TAFA1: variants seen among roughly 807,000 people sequenced by gnomAD.
TAFA1 encodes the protein chemokine-like protein TAFA-1.
Under a neutral mutation model 18.5 loss-of-function variants are expected in TAFA1, and 4 were observed. That is an observed-to-expected ratio of 0.22 (90% CI 0.11 to 0.49). The LOEUF (loss-of-function observed/expected upper bound fraction) is 0.49. Ranked by LOEUF, TAFA1 falls within the 20% of genes least tolerant of loss-of-function variation. TAFA1 has a pLI of 0.98. For synonymous variants in TAFA1, 56 were observed against 55.2 expected, an observed-to-expected ratio of 1.01 and a Z score of -0.06; for missense variants, 147 against 169.0, an observed-to-expected ratio of 0.87 and a Z score of 0.72.
At chr3:68,342,657 T>C (rs372176717) in intron 2 of TAFA1, among the ~76,000 whole-genome samples, 2 of 152,280 alleles carry the variant, frequency 1.3e-5, no homozygotes, top group South Asian at 2.1e-4. Flanking sequence ...ATTCCCAGAG[T>C]GCCTCTCTCG....
chr3:68,243,042 C>G (rs558388680), intron 2 of TAFA1, among the ~76,000 whole-genome samples: 1 of 152,050 alleles, frequency 6.6e-6, no homozygotes, highest in Admixed American at 6.6e-5. Context: ...GATCATATAT[C>G]TTAATCATAC....
intron 2 of TAFA1, among the ~76,000 whole-genome samples, chr3:68,392,581 C>G (rs1309417607): frequency 1.3e-5 from 2 of 152,270 alleles, no homozygotes; most frequent in South Asian, 4.1e-4. Flanking sequence ...CCGTATCGCA[C>G]TTATTCTAAA....
intron 2 of TAFA1, among the ~76,000 whole-genome samples, chr3:68,378,876 C>G (rs2069872771): frequency 6.6e-6 from 1 of 152,134 alleles, no homozygotes; most frequent in Non-Finnish European, 1.5e-5. Context: ...GAAGAAGGTC[C>G]TTGCTTCCCC....
intron 2 of TAFA1, among the ~76,000 whole-genome samples, chr3:68,351,252 G>T (rs943820997): frequency 6.6e-6 from 1 of 152,100 alleles, no homozygotes; most frequent in South Asian, 2.1e-4. Context: ...AACCTGGGTT[G>T]CTTGTTGAAA....
At chr3:68,213,907 T>A (rs1261030860) in intron 2 of TAFA1, among the ~76,000 whole-genome samples, 1 of 152,090 alleles carries the variant, frequency 6.6e-6, no homozygotes, top group Non-Finnish European at 1.5e-5. Flanking sequence ...AAAAGTTATT[T>A]GATTTTTGCC....
intron 2 of TAFA1, among the ~76,000 whole-genome samples, chr3:68,409,012 T>G: frequency 6.6e-6 from 1 of 152,114 alleles, no homozygotes; most frequent in Non-Finnish European, 1.5e-5. Flanking sequence ...AAAATCAAAA[T>G]CATGCACACT....
chr3:68,307,441 C>G (rs1559609921), intron 2 of TAFA1, among the ~76,000 whole-genome samples: 1 of 152,162 alleles, frequency 6.6e-6, no homozygotes, highest in Admixed American at 6.5e-5. Context: ...GCTCCAAATT[C>G]TACACATCCA....
chr3:68,386,540 C>T lies in TAFA1; in HGVS notation c.119-30740C>T, dbSNP rs543700591. Among the ~76,000 whole-genome samples the T allele has an allele frequency of 1.1e-4, 16 of 151,542 alleles. No individual in the cohort carries two copies. The East Asian group carries it at 3.1e-3, about 29-fold the overall frequency. ...TAGGGTGCTATGCACATGATCTAGC[C>T]TGACAATCCTGGAGGAGACTGGCCT... On this transcript the variant is annotated intron_variant, in intron 2 of 4. Coordinates refer to ENST00000478136, the MANE Select transcript of TAFA1 (RefSeq NM_213609.4).
intron 2 of TAFA1, among the ~76,000 whole-genome samples, chr3:68,038,871 CTATG>C (rs998961185): frequency 2.0e-5 from 3 of 152,204 alleles, no homozygotes; most frequent in Non-Finnish European, 2.9e-5. Context: ...ATGCATAACT[CTATG>C]TGAGTGTTTA....
In TAFA1 at chr3:68,458,781, C is replaced by T. The variant is rs536613186; in HGVS notation, c.259+41361C>T. Among the ~76,000 whole-genome samples, 5 of 151,740 alleles carry T rather than the reference C, an allele frequency of 3.3e-5. No individual in the cohort carries two copies. In the South Asian group the frequency reaches 6.3e-4, roughly 19 times the overall value. ...GGAGTAGAGACATTTTTAAACAGTG[C>T]TTCCCACTTTTTTTTTTTTTAAACT... On this transcript the variant is annotated intron_variant, in intron 3 of 4. Coordinates refer to ENST00000478136, the MANE Select transcript of TAFA1 (RefSeq NM_213609.4).
At chr3:68,061,918 A>G (rs1166490781) in intron 2 of TAFA1, among the ~76,000 whole-genome samples, 3 of 152,250 alleles carry the variant, frequency 2.0e-5, no homozygotes, top group Admixed American at 1.3e-4. Context: ...CTCATCAAAG[A>G]GAAATTTTTC....
intron 2 of TAFA1, among the ~76,000 whole-genome samples, chr3:68,314,057 C>G (rs1456496745): frequency 1.3e-5 from 2 of 152,042 alleles, no homozygotes; most frequent in African/African-American, 4.8e-5. Flanking sequence ...TAAGTATACC[C>G]TTGAATAGGA....
At chr3:68,435,477 A>G (rs2071252770) in intron 3 of TAFA1, among the ~76,000 whole-genome samples, 2 of 152,186 alleles carry the variant, frequency 1.3e-5, no homozygotes, top group Non-Finnish European at 2.9e-5. Flanking sequence ...ATGTCTCACT[A>G]CATAGCACAG....
chr3:68,065,114 C>G (rs2064657056), intron 2 of TAFA1, among the ~76,000 whole-genome samples: 1 of 152,060 alleles, frequency 6.6e-6, no homozygotes, highest in Non-Finnish European at 1.5e-5. Flanking sequence ...TAAATTGTAA[C>G]AGCCCTCAAA....
chr3:68,190,172 A>C (rs573560101), intron 2 of TAFA1, among the ~76,000 whole-genome samples: 1 of 151,880 alleles, frequency 6.6e-6, no homozygotes, highest in Non-Finnish European at 1.5e-5. Context: ...TTTTTCCTTC[A>C]GGATTCATTG....
rs149111828 is a variant in TAFA1 at position 68,160,621 on chromosome 3, C to T, written c.118+153877C>T. ...GTTGTGAGAATTAAGTGTAACATCT[C>T]CAAAACAATTATAATAGCACCTAGC... On this transcript the variant is annotated intron_variant, in intron 2 of 4. Coordinates refer to ENST00000478136, the MANE Select transcript of TAFA1 (RefSeq NM_213609.4). Among the ~76,000 whole-genome samples the T allele has an allele frequency of 1.1e-3, 167 of 152,296 alleles. 1 individual carries two copies. The highest frequency in any genetic ancestry group is 3.8e-3 in the African/African-American group (159 of 41,566).
At chr3:68,318,776 G>T (rs1159682604) in intron 2 of TAFA1, among the ~76,000 whole-genome samples, 1 of 152,104 alleles carries the variant, frequency 6.6e-6, no homozygotes, top group Non-Finnish European at 1.5e-5. Context: ...AAAGTAATCT[G>T]GTCTAAGTAG....
In TAFA1 at chr3:68,134,146, T is replaced by C. The variant is rs140517972; in HGVS notation, c.118+127402T>C. Among the ~76,000 whole-genome samples the C allele has an allele frequency of 3.3e-4, 50 of 150,792 alleles. 2 individuals are homozygous for C. The East Asian group carries it at 9.7e-3, about 29-fold the overall frequency. On this transcript the variant is annotated intron_variant, in intron 2 of 4. Coordinates refer to ENST00000478136, the MANE Select transcript of TAFA1 (RefSeq NM_213609.4). ...TCGTTGGCTAGAGAGGAAAGCCTTCTAGAATGGCCTGTGCAAAAGGGAAGA... is the reference window on the plus strand; with the variant it reads ...TCGTTGGCTAGAGAGGAAAGCCTTCCAGAATGGCCTGTGCAAAAGGGAAGA...
intron 2 of TAFA1, among the ~76,000 whole-genome samples, chr3:68,149,655 G>C (rs868758008): frequency 6.6e-6 from 1 of 152,194 alleles, no homozygotes; most frequent in Non-Finnish European, 1.5e-5. Flanking sequence ...TACCAAGCCT[G>C]CCAGGAGGGA....
Sources: gnomAD v4.1 joint callset for allele counts (sites outside exome capture counted in the v4.1 genomes callset) on GRCh38, gnomAD v4.1.1 for gene constraint, MANE v1.5 for transcripts, NCBI Gene and HGNC (gene_info 2026-07-23, HGNC 2026-07-21) for gene names.